MDGA2: variants seen among roughly 807,000 people sequenced by gnomAD.
MDGA2 encodes the protein MAM domain-containing glycosylphosphatidylinositol anchor protein 2.
Under a neutral mutation model 117.8 loss-of-function variants are expected in MDGA2, and 40 were observed. That is an observed-to-expected ratio of 0.34 (90% confidence interval 0.26 to 0.44). The LOEUF (loss-of-function observed/expected upper bound fraction) is 0.44, where lower values mean the gene tolerates loss of function less well. MDGA2 is among the 20% of genes least tolerant of loss of function. The probability of loss-of-function intolerance (pLI) is 1.00; values close to 1 mark genes in which losing one functional copy is unlikely to be tolerated. For synonymous variants in MDGA2, 452 were observed against 439.0 expected (o/e 1.03, Z -0.37); for missense variants, 1,123 against 1,250.6 (o/e 0.90, Z 1.54).
intron 5 of MDGA2, among the ~76,000 whole-genome samples, chr14:47,119,188 A>AC (rs1276838309): frequency 1.9e-5 from 1 of 54,026 alleles, no homozygotes; most frequent in African/African-American, 5.8e-5. Context: ...CCCCCCCCCC[A>AC]CCCCGTAGCT....
At chr14:46,890,585 GTC>G (rs1236782111) in intron 10 of MDGA2, among the ~76,000 whole-genome samples, 2 of 152,032 alleles carry the variant, frequency 1.3e-5, no homozygotes, top group African/African-American at 2.4e-5. Flanking sequence ...GCATCAGTGG[GTC>G]TCTCAGTCTT....
chr14:47,532,889 G>A (rs138412340), intron 1 of MDGA2, among the ~76,000 whole-genome samples: 1 of 152,230 alleles, frequency 6.6e-6, no homozygotes, highest in African/African-American at 2.4e-5. Context: ...ATGCTTTCCT[G>A]TTCTTCCTTC....
At chr14:46,925,763 A>AC (rs1374364655) in intron 9 of MDGA2, among the ~76,000 whole-genome samples, 1 of 152,130 alleles carries the variant, frequency 6.6e-6, no homozygotes. Flanking sequence ...GTCTACTGGG[A>AC]CCAAAGAAAG....
At chr14:46,878,574 T>C (rs1882322059) in intron 11 of MDGA2, among the ~76,000 whole-genome samples, 1 of 152,064 alleles carries the variant, frequency 6.6e-6, no homozygotes. Flanking sequence ...ACTTTTTCAA[T>C]GATTTCCACT....
intron 3 of MDGA2, among the ~76,000 whole-genome samples, chr14:47,173,667 C>T (rs999316804): frequency 2.6e-5 from 4 of 151,230 alleles, no homozygotes; most frequent in Non-Finnish European, 5.9e-5. Context: ...CATGGAAAGG[C>T]ACAACCGGTA....
At position 47,563,578 on chromosome 14, in the gene MDGA2, GTT is replaced by G. The variant is rs56244321; in HGVS notation, c.280+110937_280+110938del. ...AGAATAGCAACCCCTGCTTTTTTCT[GTT>G]TTTTTTTTTTTTTTTTTTTTTTTTT... On this transcript the variant is annotated intron_variant, in intron 1 of 16. Transcript: ENST00000399232. Among the ~76,000 whole-genome samples, 498 of 56,896 alleles carry G rather than the reference GTT, an allele frequency of 8.8e-3. 8 individuals carry two copies. Among genetic ancestry groups the G allele is most frequent in the African/African-American group, 0.04 (419 of 10,532 alleles). 37.3% of individuals were successfully genotyped at this position (56,896 alleles called of 152,430 possible). A position where few individuals can be genotyped will look rare whatever the true frequency, so the allele number is the denominator to read the frequency against.
intron 1 of MDGA2, among the ~76,000 whole-genome samples, chr14:47,561,135 A>G (rs924097348): frequency 6.4e-5 from 4 of 62,466 alleles, no homozygotes; most frequent in African/African-American, 1.3e-4. Flanking sequence ...TGATACCTCT[A>G]TCTTTGTTTT....
intron 4 of MDGA2, among the ~76,000 whole-genome samples, chr14:47,134,899 T>A (rs2139165869): frequency 6.6e-6 from 1 of 152,026 alleles, no homozygotes; most frequent in South Asian, 2.1e-4. Context: ...ATAATGATTC[T>A]CAGATATAAA....
At chr14:47,076,849 T>G (rs984785604) in intron 6 of MDGA2, among the ~76,000 whole-genome samples, 1 of 152,130 alleles carries the variant, frequency 6.6e-6, no homozygotes, top group East Asian at 1.9e-4. Context: ...ATATGTTTTA[T>G]TTCATCATTA....
At chr14:47,417,584 A>G (rs1358601358) in intron 1 of MDGA2, among the ~76,000 whole-genome samples, 1 of 152,082 alleles carries the variant, frequency 6.6e-6, no homozygotes, top group Non-Finnish European at 1.5e-5. Context: ...TGGTCCTCTC[A>G]CAGCAATGTA....
chr14:46,964,602 C>A (rs974301279), intron 8 of MDGA2, among the ~76,000 whole-genome samples: 1 of 152,136 alleles, frequency 6.6e-6, no homozygotes, highest in African/African-American at 2.4e-5. Context: ...GGAGCCAGAA[C>A]GTTTCAGTTA....
rs572461861 is a variant in MDGA2 at position 47,490,331 on chromosome 14, T to C, written c.280+184186A>G. Among the ~76,000 whole-genome samples the C allele has an allele frequency of 2.2e-4, 33 of 152,258 alleles. No individual in the cohort carries two copies. The South Asian group carries it at 6.4e-3, about 30-fold the overall frequency. On this transcript the variant is annotated intron_variant, in intron 1 of 16. Coordinates refer to ENST00000399232, the MANE Select transcript of MDGA2 (RefSeq NM_001113498.3). ...GCATATATAGAGAAATCACTTTCAG[T>C]AATTTGAAAACATTTTATTTAAAGC...
chr14:47,287,562 A>G (rs1888730428), intron 2 of MDGA2, among the ~76,000 whole-genome samples: 1 of 152,122 alleles, frequency 6.6e-6, no homozygotes, highest in South Asian at 2.1e-4. Flanking sequence ...CTCCTTAGCA[A>G]TTTTCAAGTA....
intron 8 of MDGA2, among the ~76,000 whole-genome samples, chr14:46,990,594 G>T (rs1458146217): frequency 6.6e-6 from 1 of 151,734 alleles, no homozygotes; most frequent in Non-Finnish European, 1.5e-5. Flanking sequence ...TTATTTTTGA[G>T]GTTCTGCTAA....
At chr14:47,105,225 G>A (rs910399425) in intron 5 of MDGA2, among the ~76,000 whole-genome samples, 2 of 152,112 alleles carry the variant, frequency 1.3e-5, no homozygotes, top group Non-Finnish European at 2.9e-5. Flanking sequence ...TAGGGGGCAA[G>A]AAGCCCCCAA....
chr14:47,443,539 A>G (rs754558916), intron 1 of MDGA2, among the ~76,000 whole-genome samples: 101 of 152,188 alleles, frequency 6.6e-4, no homozygotes, highest in Non-Finnish European at 1.2e-3. Context: ...CCGTATATTT[A>G]CTATATAAAT....
chr14:46,889,972 A>C (rs960910237), intron 10 of MDGA2, among the ~76,000 whole-genome samples: 3 of 152,056 alleles, frequency 2.0e-5, no homozygotes, highest in East Asian at 1.9e-4. Context: ...TTATCAGGGA[A>C]TATAGGACCC....
At chr14:46,964,290 A>C (rs910861456) in intron 8 of MDGA2, among the ~76,000 whole-genome samples, 5 of 149,644 alleles carry the variant, frequency 3.3e-5, no homozygotes, top group African/African-American at 1.3e-4. Context: ...TAGAATTACT[A>C]TGATTAGATA....
At chr14:47,049,911 G>T (rs1426475304) in intron 7 of MDGA2, among the ~76,000 whole-genome samples, 1 of 151,868 alleles carries the variant, frequency 6.6e-6, no homozygotes, top group Non-Finnish European at 1.5e-5. Flanking sequence ...TCATTGCTCT[G>T]CAACCTTTTC....
Sources: allele counts gnomAD v4.1 joint callset (sites outside exome capture counted in the v4.1 genomes callset), GRCh38; gene constraint gnomAD v4.1.1; transcripts MANE v1.5; gene names NCBI Gene and HGNC (gene_info 2026-07-23, HGNC 2026-07-21).